Variants in BCL7C observed in about 807,000 individuals in gnomAD.
BCL7C encodes BAF chromatin remodeling complex subunit BCL7C, also known as B-cell CLL/lymphoma 7 protein family member C.
A neutral mutation model predicts 26.2 loss-of-function variants in BCL7C; 8 were observed. The observed-to-expected ratio is 0.30, with a 90% CI of 0.18 to 0.55. The LOEUF is 0.55. BCL7C is among the 20% of genes least tolerant of loss of function. BCL7C has a pLI of 0.93. For synonymous variants in BCL7C, 90 were observed against 116.5 expected, an observed-to-expected ratio of 0.77 and a Z score of 1.47; for missense variants, 262 against 298.5, an observed-to-expected ratio of 0.88 and a Z score of 0.90.
intron 5 of BCL7C, chr16:30,851,782 G>A: frequency 2.5e-6 from 1 of 408,090 alleles, no homozygotes; most frequent in Non-Finnish European, 4.6e-6. Context: ...GCTTTGGGAA[G>A]TACTTTAGAG....
intron 5 of BCL7C, among the ~76,000 whole-genome samples, chr16:30,858,788 G>A (rs541824227): frequency 1.3e-5 from 2 of 152,258 alleles, no homozygotes; most frequent in East Asian, 1.9e-4. Flanking sequence ...AGAAGAGAAC[G>A]GGAACAGTGG....
rs184453689 is a variant in BCL7C at position 30,881,361 on chromosome 16, A to T, written c.528+7499T>A. On this transcript the variant is annotated intron_variant, in intron 5 of 5. Coordinates refer to the BCL7C transcript ENST00000380317. ...CAGTGAGCCGAGATTGCACCTCTGC[A>T]TTCCAGCCTGGGTGACAGAGTGAGA... Among the ~76,000 whole-genome samples the T allele has an allele frequency of 2.8e-3, 426 of 150,088 alleles. 2 individuals are homozygous for T. Among genetic ancestry groups the T allele is most frequent in the African/African-American group, 9.1e-3 (372 of 41,072 alleles).
chr16:30,888,794 C>T, intron 5 of BCL7C, 66 bp downstream of exon 5: 1 of 1,496,158 alleles, frequency 6.7e-7, no homozygotes. Context: ...AGGCTCCAAG[C>T]CTTCGACTGC....
At chr16:30,837,317 T>C (rs1412219601) in intron 5 of BCL7C, among the ~76,000 whole-genome samples, 1 of 152,152 alleles carries the variant, frequency 6.6e-6, no homozygotes, top group African/African-American at 2.4e-5. Flanking sequence ...AGTAAGGATA[T>C]TTTCAAGGAT....
downstream of BCL7C, among the ~76,000 whole-genome samples, chr16:30,886,194 A>C (rs1417389466): frequency 1.3e-5 from 2 of 152,138 alleles, no homozygotes; most frequent in African/African-American, 4.8e-5. Context: ...GAACCTCAGT[A>C]TCTTTCTTTA....
chr16:30,862,123 A>G (rs2054780696), intron 5 of BCL7C, among the ~76,000 whole-genome samples: 1 of 151,834 alleles, frequency 6.6e-6, no homozygotes, highest in Non-Finnish European at 1.5e-5. Context: ...GGTGTGAGCC[A>G]CCGCGCCCGG....
chr16:30,890,083 C>T (rs1011991672), intron 4 of BCL7C, among the ~76,000 whole-genome samples: 7 of 152,074 alleles, frequency 4.6e-5, no homozygotes, highest in Middle Eastern at 6.8e-3. Context: ...GCCAATCAGA[C>T]GGGTTTGACT....
Position 30,834,841 on chromosome 16 carries a change from G to A in BCL7C, c.*107C>T. ...GCCGCTCGCCCTCCGATGTTACCGCGGTGGGTGAGCTGGGAAGCTCTTTCC... is the reference window on the plus strand; with the variant it reads ...GCCGCTCGCCCTCCGATGTTACCGCAGTGGGTGAGCTGGGAAGCTCTTTCC... On this transcript the variant is annotated 3_prime_UTR_variant, in exon 6 of 6. Transcript: ENST00000380317. The surrounding 1 kb of genome is among the most constrained non-coding windows in gnomAD (Gnocchi z 4.3). 4.4e-6 allele frequency: 5 copies of A among 1,147,532 alleles called. No homozygotes were observed. The highest frequency in any genetic ancestry group is 6.0e-6 in the Non-Finnish European group (5 of 833,110). 71.1% of individuals were successfully genotyped at this position (1,147,532 alleles called of 1,614,324 possible). A position where few individuals can be genotyped will look rare whatever the true frequency, so the allele number is the denominator to read the frequency against.
intron 5 of BCL7C, among the ~76,000 whole-genome samples, chr16:30,862,538 A>C (rs1408208225): frequency 6.6e-6 from 1 of 151,176 alleles, no homozygotes; most frequent in African/African-American, 2.4e-5. Context: ...AGTTCCCCCT[A>C]CAAATCCTCC....
chr16:30,893,046 G>C lies in BCL7C; in HGVS notation c.172-98C>G. ...GAAGCAAAAGGGCTCAAACTCAGGG[G>C]GTGTGGAGCAGAAAAGAGGGCAAAA... is the stretch of plus-strand genomic sequence containing the variant. On this transcript the variant is annotated intron_variant, in intron 2 of 5. Coordinates refer to ENST00000215115, the MANE Select transcript of BCL7C (RefSeq NM_004765.4). The surrounding 1 kb of genome is among the most constrained non-coding windows in gnomAD (Gnocchi z 5.2). 7.6e-7 allele frequency: 1 copy of C among 1,309,324 alleles called. No individual in the cohort carries two copies. The highest frequency in any genetic ancestry group is 1.1e-6 in the Non-Finnish European group (1 of 933,942). The allele number at this position is 1,309,324 out of a possible 1,614,324, so 81.1% of individuals were successfully genotyped here.
At chr16:30,862,459 C>T (rs2054785102) in intron 5 of BCL7C, among the ~76,000 whole-genome samples, 1 of 152,170 alleles carries the variant, frequency 6.6e-6, no homozygotes, top group African/African-American at 2.4e-5. Context: ...AGCCCTTTCT[C>T]ATTATTTACT....
At chr16:30,892,418 G>C (rs2055260632) in intron 4 of BCL7C, among the ~76,000 whole-genome samples, 168 bp downstream of exon 4, 1 of 151,632 alleles carries the variant, frequency 6.6e-6, no homozygotes, top group Non-Finnish European at 1.5e-5. Context: ...TAGATTCTAA[G>C]AGACCAGAGG....
chr16:30,834,824 C>CCCT lies in BCL7C; in HGVS notation c.*121_*123dup. 6 of 1,013,886 alleles carry CCCT rather than the reference C, an allele frequency of 5.9e-6. No individual in the cohort carries two copies. In the South Asian group the frequency reaches 8.7e-5, roughly 15 times the overall value. The allele number at this position is 1,013,886 out of a possible 1,614,324, so 62.8% of individuals were successfully genotyped here. A position where few individuals can be genotyped will look rare whatever the true frequency, so the allele number is the denominator to read the frequency against. On this transcript the variant is annotated 3_prime_UTR_variant, in exon 6 of 6. Transcript: ENST00000380317. This position sits in a 1 kb window ranked among gnomAD's most constrained non-coding sequence, Gnocchi z 4.3. Reference sequence around the variant, plus strand: ...GTTCGGGCAGGTGTGGGGCCGCTCGCCCTCCGATGTTACCGCGGTGGGTGA... The same window carrying CCCT: ...GTTCGGGCAGGTGTGGGGCCGCTCGCCCTCCTCCGATGTTACCGCGGTGGGTGA...
chr16:30,886,346 C>T (rs910481596), downstream of BCL7C, among the ~76,000 whole-genome samples: 2 of 152,086 alleles, frequency 1.3e-5, no homozygotes, highest in Non-Finnish European at 2.9e-5. Context: ...CAAACTAAGG[C>T]TGAGAGTAGA....
chr16:30,850,238 G>GA (rs1208062503), intron 5 of BCL7C, among the ~76,000 whole-genome samples: 3 of 147,766 alleles, frequency 2.0e-5, no homozygotes, highest in African/African-American at 7.4e-5. Context: ...GAAAAGAAAA[G>GA]AAAAAAAGAA....
Position 30,892,882 on chromosome 16 carries a change from T to C in BCL7C, c.238A>G (p.Ser80Gly). ...RGRERRGRGA[S>G]PRGGGPLILL... ...ATGAGAGGGCCACCCCCTCGGGGAC[T>C]GGCGCCCCTGCCCCGACGTTCCCGG... Residue 80 changes from serine (S) to glycine (G), a missense_variant, in exon 3 of 6, where the codon AGT (serine) becomes GGT (glycine). By Grantham distance (56) the Ser-to-Gly change is moderately conservative (BLOSUM62 0). Transcript: ENST00000215115. 6.2e-7 allele frequency: 1 copy of C among 1,612,940 alleles called. No individual in the cohort carries two copies. The highest frequency in any genetic ancestry group is 8.5e-7 in the Non-Finnish European group (1 of 1,179,950).
chr16:30,849,537 G>A (rs551124868), intron 5 of BCL7C, among the ~76,000 whole-genome samples: 4 of 151,512 alleles, frequency 2.6e-5, no homozygotes, highest in African/African-American at 9.7e-5. Context: ...CTGCAACCCC[G>A]GCATCCTGGG....
intron 5 of BCL7C, among the ~76,000 whole-genome samples, chr16:30,847,587 G>A (rs2054643714): frequency 1.3e-5 from 2 of 152,106 alleles, no homozygotes; most frequent in African/African-American, 4.8e-5. Flanking sequence ...CCTAAGGTCA[G>A]GAGTTCAAGA....
chr16:30,835,819 C>G (rs1473873677), intron 5 of BCL7C, among the ~76,000 whole-genome samples: 2 of 151,222 alleles, frequency 1.3e-5, no homozygotes, highest in African/African-American at 4.9e-5. Context: ...GCACTCCAGC[C>G]TGGGCGACAG....
Sources: allele counts gnomAD v4.1 joint callset (sites outside exome capture counted in the v4.1 genomes callset), GRCh38; gene constraint gnomAD v4.1.1; non-coding constraint Gnocchi (gnomAD v3.1); transcripts MANE v1.5; gene names NCBI Gene and HGNC (gene_info 2026-07-23, HGNC 2026-07-21).